CSMD3: variants seen among roughly 807,000 people sequenced by gnomAD.
CSMD3 encodes the protein CUB and Sushi multiple domains 3, also known as CUB and sushi domain-containing protein 3.
Under a neutral mutation model 435.2 loss-of-function variants are expected in CSMD3, and 177 were observed. That is an observed-to-expected ratio of 0.41 (90% confidence interval 0.36 to 0.46). The LOEUF (loss-of-function observed/expected upper bound fraction) is 0.46, where lower values mean the gene tolerates loss of function less well. Among genes scored for constraint, CSMD3 ranks in the 20% least tolerant of loss-of-function variants. The probability of loss-of-function intolerance (pLI) is 0.34; values close to 1 mark genes in which losing one functional copy is unlikely to be tolerated. For synonymous variants in CSMD3, 1,656 were observed against 1,520.5 expected, an observed-to-expected ratio of 1.09 and a Z score of -2.07; for missense variants, 4,265 against 4,504.6, an observed-to-expected ratio of 0.95 and a Z score of 1.52.
intron 1 of CSMD3, among the ~76,000 whole-genome samples, chr8:113,354,246 T>C (rs2094207405): frequency 6.6e-6 from 1 of 152,312 alleles, no homozygotes; most frequent in Admixed American, 6.5e-5. Context: ...GCAGTGTTCA[T>C]AATTGGTCAA....
At chr8:112,903,749 G>A (rs1017775187) in intron 10 of CSMD3, among the ~76,000 whole-genome samples, 2 of 151,222 alleles carry the variant, frequency 1.3e-5, no homozygotes, top group African/African-American at 4.8e-5. Flanking sequence ...TAAGCTTACG[G>A]GAAACAGTAG....
intron 4 of CSMD3, among the ~76,000 whole-genome samples, chr8:113,126,399 A>G (rs941293744): frequency 1.1e-4 from 16 of 152,106 alleles, no homozygotes; most frequent in Non-Finnish European, 2.4e-4. Flanking sequence ...ATCAAAAAAT[A>G]TATATATGTG....
At chr8:112,345,958 A>C (rs1013576193) in intron 41 of CSMD3, 139 bp downstream of exon 41, 3 of 683,654 alleles carry the variant, frequency 4.4e-6, no homozygotes. Context: ...TTCACTCTTC[A>C]ATTTACATAG....
At chr8:112,741,970 GAATT>G (rs1265002694) in intron 13 of CSMD3, among the ~76,000 whole-genome samples, 1 of 151,818 alleles carries the variant, frequency 6.6e-6, no homozygotes, top group African/African-American at 2.4e-5. Context: ...AAGAGCAATA[GAATT>G]AATAGGCTTG....
intron 4 of CSMD3, among the ~76,000 whole-genome samples, chr8:113,156,334 T>C (rs922337196): frequency 1.3e-5 from 2 of 152,116 alleles, no homozygotes; most frequent in East Asian, 1.9e-4. Context: ...ACATTTTTAA[T>C]AGAAACATAT....
rs1162137293 is a variant in CSMD3, at chr8:112,281,281, G to C, written c.9401C>G (p.Ser3134Cys). 9 of 1,613,398 alleles carry C rather than the reference G, an allele frequency of 5.6e-6. No individual in the cohort carries two copies. The South Asian group carries it at 8.8e-5, about 16-fold the overall frequency. ...CATGCAGGAATAAATGACTGAACTA[G>C]AAAATGTTGTGCCATCAATTCGGAA... ...KVFRIDGTTF[S>C]SSVIYSCMEG... is the part of the protein sequence containing the mutation. Residue 3134 changes from serine (S) to cysteine (C), a missense_variant, in exon 59 of 71, where the codon TCT becomes TGT. Physicochemically the swap from Ser to Cys is moderately radical, Grantham distance 112. Coordinates refer to ENST00000297405, the MANE Select transcript of CSMD3 (RefSeq NM_198123.2).
intron 56 of CSMD3, among the ~76,000 whole-genome samples, chr8:112,289,948 C>A (rs1172614137): frequency 6.6e-6 from 1 of 151,942 alleles, no homozygotes; most frequent in African/African-American, 2.4e-5. Flanking sequence ...ACATAGGACA[C>A]CATGTGGATT....
At chr8:112,518,737 T>C (rs139711023) in intron 27 of CSMD3, among the ~76,000 whole-genome samples, 27 of 152,212 alleles carry the variant, frequency 1.8e-4, no homozygotes, top group Admixed American at 1.5e-3. Flanking sequence ...TGTATTAGTC[T>C]GTTAACACAC....
chr8:112,903,060 T>C (rs891666717), intron 10 of CSMD3, among the ~76,000 whole-genome samples: 1 of 149,904 alleles, frequency 6.7e-6, no homozygotes, highest in African/African-American at 2.4e-5. Flanking sequence ...AAATTTAAGA[T>C]GTCTTTGACC....
intron 2 of CSMD3, among the ~76,000 whole-genome samples, chr8:113,288,381 G>C (rs1057339139): frequency 6.6e-6 from 1 of 151,796 alleles, no homozygotes; most frequent in Non-Finnish European, 1.5e-5. Context: ...ATTGACTTTA[G>C]AGTTTGATCT....
At chr8:112,715,605 G>C (rs1170645067) in intron 13 of CSMD3, among the ~76,000 whole-genome samples, 1 of 152,066 alleles carries the variant, frequency 6.6e-6, no homozygotes, top group East Asian at 1.9e-4. Flanking sequence ...ACCAAAACCT[G>C]GCAGAGACAC....
chr8:112,669,618 T>C (rs2075609808), intron 16 of CSMD3, among the ~76,000 whole-genome samples: 1 of 152,094 alleles, frequency 6.6e-6, no homozygotes. Flanking sequence ...ATTTGGAATA[T>C]ACAGAAAGCA....
chr8:112,932,120 A>G (rs1211370900), intron 9 of CSMD3, among the ~76,000 whole-genome samples: 1 of 152,212 alleles, frequency 6.6e-6, no homozygotes, highest in Non-Finnish European at 1.5e-5. Flanking sequence ...AAAGGAAATC[A>G]GTCCTTTGGG....
intron 3 of CSMD3, among the ~76,000 whole-genome samples, chr8:113,244,965 A>G (rs992642187): frequency 6.6e-6 from 1 of 151,924 alleles, no homozygotes; most frequent in African/African-American, 2.4e-5. Context: ...TGCTATTTGT[A>G]GTTTTAGTCT....
chr8:113,089,193 A>AT (rs1324863993), intron 5 of CSMD3, among the ~76,000 whole-genome samples: 1 of 151,884 alleles, frequency 6.6e-6, no homozygotes, highest in African/African-American at 2.4e-5. Flanking sequence ...TCAATACATA[A>AT]TTTTCATTCA....
At chr8:112,650,668 C>T (rs1489268779) in intron 18 of CSMD3, among the ~76,000 whole-genome samples, 1 of 152,016 alleles carries the variant, frequency 6.6e-6, no homozygotes, top group Admixed American at 6.6e-5. Flanking sequence ...ATTTCTTGAA[C>T]TTATTATATT....
At chr8:112,372,965 G>GAA (rs900699618) in intron 38 of CSMD3, among the ~76,000 whole-genome samples, 8 of 116,598 alleles carry the variant, frequency 6.9e-5, no homozygotes, top group African/African-American at 2.3e-4. Flanking sequence ...TCTGCCAGCA[G>GAA]AAAAAATATA....
chr8:113,245,397 CTTT>C (rs1479515663), intron 3 of CSMD3, among the ~76,000 whole-genome samples: 1 of 151,314 alleles, frequency 6.6e-6, no homozygotes, highest in African/African-American at 2.4e-5. Flanking sequence ...ATTTTAATTT[CTTT>C]TTTATTTTAC....
intron 13 of CSMD3, among the ~76,000 whole-genome samples, chr8:112,770,241 G>A (rs2078078582): frequency 6.6e-6 from 1 of 151,998 alleles, no homozygotes; most frequent in Non-Finnish European, 1.5e-5. Context: ...CAATGTAATG[G>A]TATGAGGAGG....
Sources: allele counts gnomAD v4.1 joint callset (sites outside exome capture counted in the v4.1 genomes callset), GRCh38; gene constraint gnomAD v4.1.1; transcripts MANE v1.5; gene names NCBI Gene and HGNC (gene_info 2026-07-23, HGNC 2026-07-21).